ADAMTS2: variants seen among roughly 807,000 people sequenced by gnomAD.
ADAMTS2 encodes the protein A disintegrin and metalloproteinase with thrombospondin motifs 2.
A neutral mutation model predicts 123.0 loss-of-function variants in ADAMTS2; 50 were observed. That is an observed-to-expected ratio of 0.41 (90% CI 0.32 to 0.51). The LOEUF (loss-of-function observed/expected upper bound fraction) is 0.51. ADAMTS2 is among the 20% of genes least tolerant of loss of function. The pLI, the probability that ADAMTS2 is intolerant of heterozygous loss-of-function variation, is 0.35. For missense variants in ADAMTS2, 1,494 were observed against 1,705.2 expected, an observed-to-expected ratio of 0.88 and a Z score of 2.18; for synonymous variants, 678 against 695.4, an observed-to-expected ratio of 0.98 and a Z score of 0.39.
intron 10 of ADAMTS2, among the ~76,000 whole-genome samples, chr5:179,142,855 C>T (rs981377384): frequency 3.3e-5 from 5 of 152,128 alleles, no homozygotes; most frequent in Middle Eastern, 3.2e-3. Flanking sequence ...GGATCATTAT[C>T]CAGTTTCTTC....
At chr5:179,207,471 A>ACCCAAG in intron 4 of ADAMTS2, 42 bp downstream of exon 4, 1 of 1,026,474 alleles carries the variant, frequency 9.7e-7, no homozygotes, top group Non-Finnish European at 1.5e-6. Flanking sequence ...CCCCTGGTTG[A>ACCCAAG]CCCTCCCCGC....
intron 2 of ADAMTS2, among the ~76,000 whole-genome samples, chr5:179,277,051 T>C (rs994318353): frequency 6.6e-6 from 1 of 151,978 alleles, no homozygotes; most frequent in Admixed American, 6.5e-5. Flanking sequence ...ACTAGCTCCA[T>C]CTGATGCTGC....
chr5:179,257,385 C>G (rs1766085562), intron 3 of ADAMTS2, among the ~76,000 whole-genome samples: 1 of 152,196 alleles, frequency 6.6e-6, no homozygotes, highest in Non-Finnish European at 1.5e-5. Flanking sequence ...GGTATAGGTG[C>G]CGGGAGCCCG....
At chr5:179,141,272 T>A (rs568873739) in intron 10 of ADAMTS2, among the ~76,000 whole-genome samples, 40 of 152,334 alleles carry the variant, frequency 2.6e-4, no homozygotes, top group African/African-American at 8.7e-4. Context: ...GAGTAACTAT[T>A]GTAGACTTTG....
At chr5:179,280,308 A>G (rs945328499) in intron 2 of ADAMTS2, among the ~76,000 whole-genome samples, 6 of 152,172 alleles carry the variant, frequency 3.9e-5, no homozygotes, top group Non-Finnish European at 8.8e-5. Flanking sequence ...GTGGGGGGCG[A>G]GGCAGGCAGG....
At chr5:179,327,589 C>T (rs1046379994) in intron 2 of ADAMTS2, among the ~76,000 whole-genome samples, 1 of 152,188 alleles carries the variant, frequency 6.6e-6, no homozygotes, top group African/African-American at 2.4e-5. Flanking sequence ...AACATGGGCA[C>T]ATCCTGCGTT....
chr5:179,310,412 G>T lies in ADAMTS2; in HGVS notation c.534+33355C>A, dbSNP rs549878969. Reference sequence around the variant, plus strand: ...CCTTTCCGAAGCCCCCCCATAGGCTGCCTTGCAGGGTACAGTATGGCCTAG... The same window carrying T: ...CCTTTCCGAAGCCCCCCCATAGGCTTCCTTGCAGGGTACAGTATGGCCTAG... On this transcript the variant is annotated intron_variant, in intron 2 of 21. Transcript: ENST00000251582. 5.3e-5 allele frequency among the ~76,000 whole-genome samples: 8 copies of T among 152,338 alleles called. No homozygotes were observed. In the East Asian group the frequency reaches 1.5e-3, roughly 29 times the overall value.
At chr5:179,339,627 C>T (rs1757711442) in intron 2 of ADAMTS2, among the ~76,000 whole-genome samples, 1 of 152,220 alleles carries the variant, frequency 6.6e-6, no homozygotes, top group African/African-American at 2.4e-5. Flanking sequence ...GGAGCCTCTG[C>T]TCCTACCTGG....
intron 4 of ADAMTS2, among the ~76,000 whole-genome samples, chr5:179,203,537 C>T (rs1328522279): frequency 6.6e-6 from 1 of 152,212 alleles, no homozygotes; most frequent in East Asian, 1.9e-4. Context: ...GTTCGAGGCC[C>T]CCATAGCACC....
chr5:179,288,327 C>G (rs1756087609), intron 2 of ADAMTS2, among the ~76,000 whole-genome samples: 1 of 152,262 alleles, frequency 6.6e-6, no homozygotes, highest in Non-Finnish European at 1.5e-5. Flanking sequence ...GGCGGGCAGC[C>G]CTGCCAGGCC....
In ADAMTS2 at chr5:179,345,262, G is replaced by GCAA; in HGVS notation, c.66_67insTTG (p.Leu23dup). The GCAA allele has an allele frequency of 8.7e-7, 1 of 1,145,422 alleles. No homozygotes were observed. Among genetic ancestry groups the GCAA allele is most frequent in the East Asian group, 4.5e-5 (1 of 22,284 alleles). 71.0% of individuals were successfully genotyped at this position (1,145,422 alleles called of 1,614,324 possible). On this transcript the variant is annotated inframe_insertion, in exon 1 of 22. Coordinates refer to ENST00000251582, the MANE Select transcript of ADAMTS2 (RefSeq NM_014244.5). This position sits in a 1 kb window ranked among gnomAD's most constrained non-coding sequence, Gnocchi z 7.5. ...GGCGGCGGCAGGAGCGGCGGCGGCA[G>GCAA]CAGCAGCAGCAGCAGCAGCAGCGCG...
In ADAMTS2 at chr5:179,262,366, C is replaced by T. The variant is rs536097251; in HGVS notation, c.688+10545G>A. Among the ~76,000 whole-genome samples, 6 of 152,240 alleles carry T rather than the reference C, an allele frequency of 3.9e-5. No homozygotes were observed. In the South Asian group the frequency reaches 1.0e-3, roughly 26 times the overall value. ...ACTCATCCTGAACCCACTGCCTCCA[C>T]CGCCATCTGTCACCGGGACTCCTCC... On this transcript the variant is annotated intron_variant, in intron 3 of 21. Transcript: ENST00000251582. This position sits in a 1 kb window ranked among gnomAD's most constrained non-coding sequence, Gnocchi z 5.9.
rs1321687244 is a variant in ADAMTS2 at position 179,314,088 on chromosome 5, C to T, written c.534+29679G>A. Among the ~76,000 whole-genome samples the T allele has an allele frequency of 1.3e-5, 2 of 152,232 alleles. No individual in the cohort carries two copies. The highest frequency in any genetic ancestry group is 4.1e-4 in the South Asian group (2 of 4,836). The stretch of plus-strand genomic sequence containing the variant: ...GGGGGGTTCCTCACACACCCCACAC[C>T]CCTGCCTATGCCCAGACCTCCAGCT... On this transcript the variant is annotated intron_variant, in intron 2 of 21. Transcript: ENST00000251582. The surrounding 1 kb of genome is among the most constrained non-coding windows in gnomAD (Gnocchi z 4.5).
At chr5:179,309,336 A>C (rs1756758527) in intron 2 of ADAMTS2, among the ~76,000 whole-genome samples, 2 of 152,156 alleles carry the variant, frequency 1.3e-5, no homozygotes, top group Admixed American at 1.3e-4. Flanking sequence ...AGGTCACAGG[A>C]TGTCCCCCCA....
At chr5:179,148,916 C>T (rs3797595) in intron 10 of ADAMTS2, among the ~76,000 whole-genome samples, 97,353 of 151,792 alleles carry the variant, frequency 0.64, 31,333 homozygotes, top group African/African-American at 0.68. Context: ...CTGGCTGGGG[C>T]CAGGCAGGCC....
chr5:179,114,864 T>C (rs532279254), intron 21 of ADAMTS2, among the ~76,000 whole-genome samples: 14 of 152,196 alleles, frequency 9.2e-5, no homozygotes, highest in Non-Finnish European at 1.9e-4. Flanking sequence ...CTCCCTGATG[T>C]TGCTCCCATT....
chr5:179,205,837 T>TCTCAGCTCACTGCAAG (rs1361698571), intron 4 of ADAMTS2, among the ~76,000 whole-genome samples: 4 of 151,864 alleles, frequency 2.6e-5, no homozygotes, highest in Non-Finnish European at 5.9e-5. Flanking sequence ...AGTGGTGCGA[T>TCTCAGCTCACTGCAAG]CTCAGCTCAC....
chr5:179,184,217 C>T (rs553829950), intron 4 of ADAMTS2, among the ~76,000 whole-genome samples: 19 of 152,162 alleles, frequency 1.2e-4, no homozygotes, highest in Middle Eastern at 6.8e-3. Context: ...GATATAGGAA[C>T]GAAAGAAAGC....
intron 3 of ADAMTS2, among the ~76,000 whole-genome samples, chr5:179,257,227 G>T (rs909687916): frequency 1.3e-5 from 2 of 152,270 alleles, no homozygotes; most frequent in Admixed American, 6.5e-5. Context: ...GGTGATGAAG[G>T]CCAAGAATGC....
Sources: allele counts gnomAD v4.1 joint callset (sites outside exome capture counted in the v4.1 genomes callset), GRCh38; gene constraint gnomAD v4.1.1; non-coding constraint Gnocchi (gnomAD v3.1); transcripts MANE v1.5; gene names NCBI Gene and HGNC (gene_info 2026-07-23, HGNC 2026-07-21).